SLC25A15: variants seen among roughly 807,000 people sequenced by gnomAD.
SLC25A15 encodes mitochondrial ornithine transporter 1.
SLC25A15 carries 24 observed loss-of-function variants against 32.3 expected under a neutral mutation model. The observed-to-expected ratio is 0.74, with a 90% CI of 0.54 to 1.04. The LOEUF (loss-of-function observed/expected upper bound fraction) is 1.04. Ranked by LOEUF, SLC25A15 falls within the 50% of genes least tolerant of loss-of-function variation. The probability of loss-of-function intolerance (pLI) is 0.00; values close to 1 mark genes in which losing one functional copy is unlikely to be tolerated. For missense variants in SLC25A15, 317 were observed against 374.5 expected, an observed-to-expected ratio of 0.85 and a Z score of 1.27; for synonymous variants, 132 against 142.1, an observed-to-expected ratio of 0.93 and a Z score of 0.51.
At chr13:40,805,861 T>C (rs1401492471) in intron 4 of SLC25A15, among the ~76,000 whole-genome samples, 1 of 152,264 alleles carries the variant, frequency 6.6e-6, no homozygotes, top group African/African-American at 2.4e-5. Flanking sequence ...TTGAGAGTAC[T>C]GTTTCATACA....
At position 40,807,428 on chromosome 13, in the gene SLC25A15, C is replaced by T; in HGVS notation, c.587C>T (p.Ser196Phe). Residue 196 changes from serine (S) to phenylalanine (F), a missense_variant, in exon 5 of 7, where the codon TCC becomes TTC. Coordinates refer to ENST00000338625, the MANE Select transcript of SLC25A15 (RefSeq NM_014252.4). ...FFFGGYELSR[S>F]FFASGRSKDE... ...TTCGGTGGCTATGAACTGAGCCGGTCCTTTTTTGCATCAGGGAGATCAAAA... is the reference window on the plus strand; with the variant it reads ...TTCGGTGGCTATGAACTGAGCCGGTTCTTTTTTGCATCAGGGAGATCAAAA... 4.3e-6 allele frequency: 7 copies of T among 1,614,072 alleles called. No individual in the cohort carries two copies. The highest frequency in any genetic ancestry group is 5.9e-6 in the Non-Finnish European group (7 of 1,180,014).
At chr13:40,806,289 C>T (rs964698115) in intron 4 of SLC25A15, among the ~76,000 whole-genome samples, 14 of 152,156 alleles carry the variant, frequency 9.2e-5, no homozygotes, top group African/African-American at 3.4e-4. Flanking sequence ...ACAAATAGAA[C>T]ATTAACAACA....
chr13:40,802,826 C>CA (rs1185939906), intron 3 of SLC25A15, among the ~76,000 whole-genome samples: 1 of 152,128 alleles, frequency 6.6e-6, no homozygotes, highest in Non-Finnish European at 1.5e-5. Flanking sequence ...CCCACCTCGG[C>CA]CTCCCAAAGT....
chr13:40,808,717 A>G, intron 6 of SLC25A15, 121 bp downstream of exon 6: 2 of 771,118 alleles, frequency 2.6e-6, no homozygotes, highest in South Asian at 2.9e-5. Context: ...GTGGATCATG[A>G]GGTCAGGAGA....
Position 40,809,744 on chromosome 13 carries a change from C to G in SLC25A15, c.*77C>G. 1.3e-6 allele frequency: 2 copies of G among 1,499,916 alleles called. No individual in the cohort carries two copies. The highest frequency in any genetic ancestry group is 1.8e-6 in the Non-Finnish European group (2 of 1,081,552). 92.9% of individuals were successfully genotyped at this position (1,499,916 alleles called of 1,614,324 possible). ...TCTCAGGGTTTCTTGGAGTACAAGA[C>G]CAGTGTGAAGTTATTCTGATTTCTT... On this transcript the variant is annotated 3_prime_UTR_variant, in exon 7 of 7. Coordinates refer to ENST00000338625, the MANE Select transcript of SLC25A15 (RefSeq NM_014252.4).
intron 2 of SLC25A15, among the ~76,000 whole-genome samples, chr13:40,794,040 C>T (rs903127774): frequency 3.1e-4 from 47 of 152,300 alleles, no homozygotes; most frequent in African/African-American, 9.1e-4. Context: ...GGAGGACACT[C>T]TTAGAAATGT....
chr13:40,804,441 C>G (rs1359919642), intron 3 of SLC25A15, among the ~76,000 whole-genome samples: 25 of 152,182 alleles, frequency 1.6e-4, no homozygotes, highest in Non-Finnish European at 1.5e-5. Context: ...TATGTCATCT[C>G]TAAGTGTCAC....
chr13:40,807,832 T>C (rs2138057329), intron 5 of SLC25A15, among the ~76,000 whole-genome samples: 1 of 152,306 alleles, frequency 6.6e-6, no homozygotes, highest in Middle Eastern at 3.4e-3. Flanking sequence ...CTTAATAGTG[T>C]TTTGAGAGCA....
At chr13:40,806,377 T>C (rs1882174428) in intron 4 of SLC25A15, among the ~76,000 whole-genome samples, 1 of 152,130 alleles carries the variant, frequency 6.6e-6, no homozygotes. Context: ...CCAAAGGACT[T>C]AGGCAGATCA....
intron 1 of SLC25A15, 150 bp from the exon 2 acceptor site, chr13:40,793,008 G>A: frequency 5.0e-6 from 3 of 598,204 alleles, no homozygotes; most frequent in Non-Finnish European, 9.1e-6. Flanking sequence ...CAGTTGCTAA[G>A]CTGCACTGAT....
intron 1 of SLC25A15, among the ~76,000 whole-genome samples, chr13:40,790,325 T>C (rs183430380): frequency 5.1e-4 from 78 of 152,340 alleles, no homozygotes; most frequent in African/African-American, 1.6e-3. Flanking sequence ...GGCACTGTTG[T>C]TCCTCAGTTG....
At chr13:40,793,053 C>A (rs2138039391) in intron 1 of SLC25A15, 105 bp from the exon 2 acceptor site, 1 of 693,016 alleles carries the variant, frequency 1.4e-6, no homozygotes, top group South Asian at 1.5e-5. Flanking sequence ...CAGTGTGGAC[C>A]CCAGGTCATG....
intron 5 of SLC25A15, 120 bp from the exon 6 acceptor site, chr13:40,808,318 T>C: frequency 1.1e-6 from 1 of 872,670 alleles, no homozygotes; most frequent in South Asian, 1.3e-5. Flanking sequence ...AAGAATTGTA[T>C]TCTGTAGCAT....
intron 3 of SLC25A15, among the ~76,000 whole-genome samples, 182 bp from the exon 4 acceptor site, chr13:40,804,936 G>A (rs1158647999): frequency 1.3e-5 from 2 of 152,044 alleles, no homozygotes; most frequent in African/African-American, 2.4e-5. Context: ...TCATAGCACT[G>A]TAGCCTAGAA....
rs141751422 is a variant in SLC25A15 at position 40,809,626 on chromosome 13, T to C, written c.865T>C (p.Tyr289His). 1.2e-6 allele frequency: 2 copies of C among 1,612,918 alleles called. No homozygotes were observed. Among genetic ancestry groups the C allele is most frequent in the South Asian group, 1.1e-5 (1 of 91,016 alleles). ...TGGAGCACTCTTTTTGGCCTACGAA[T>C]ATAGCAGGAAGTTGATGATGAACCA... ...ANGALFLAYEYSRKLMMNQLE... is the reference protein window; with the variant it reads ...ANGALFLAYEHSRKLMMNQLE... The change falls in exon 7 of 7, where the codon TAT becomes CAT. Residue 289 changes from tyrosine (Y) to histidine (H), a missense_variant. Transcript: ENST00000338625.
intron 2 of SLC25A15, among the ~76,000 whole-genome samples, chr13:40,794,782 C>G (rs1459342855): frequency 1.3e-5 from 2 of 152,120 alleles, no homozygotes; most frequent in Non-Finnish European, 2.9e-5. Flanking sequence ...TGTCCTTATC[C>G]AGCACACCCC....
chr13:40,790,451 CCTCCAAGCCCTGTGTCTT>C (rs1881439876), intron 1 of SLC25A15, among the ~76,000 whole-genome samples: 2 of 152,296 alleles, frequency 1.3e-5, no homozygotes, highest in South Asian at 4.1e-4. Flanking sequence ...AGTCTTGCCT[CCTCCAAGCCCTGTGTCTT>C]CTCCAAGCCA....
At chr13:40,804,230 C>A (rs1882041121) in intron 3 of SLC25A15, among the ~76,000 whole-genome samples, 2 of 152,130 alleles carry the variant, frequency 1.3e-5, no homozygotes, top group South Asian at 4.1e-4. Context: ...AGGGACTAAT[C>A]CCATCACAAT....
In SLC25A15 at chr13:40,811,370, T is replaced by G. The variant is rs571391978; in HGVS notation, c.*1703T>G. 6.6e-6 allele frequency among the ~76,000 whole-genome samples: 1 copy of G among 152,018 alleles called. No homozygotes were observed. The highest frequency in any genetic ancestry group is 2.4e-5 in the African/African-American group (1 of 41,452). ...TGGGCGTGGTGGCACGTGCCTGTAA[T>G]CCCAGCTACTCAGGAGGCTGAGGCA... On this transcript the variant is annotated 3_prime_UTR_variant, in exon 7 of 7. Transcript: ENST00000338625.
Sources: gnomAD v4.1 joint callset for allele counts (sites outside exome capture counted in the v4.1 genomes callset) on GRCh38, gnomAD v4.1.1 for gene constraint, MANE v1.5 for transcripts, NCBI Gene and HGNC (gene_info 2026-07-23, HGNC 2026-07-21) for gene names.